RPL12: variants seen among roughly 807,000 people sequenced by gnomAD.
RPL12 encodes ribosomal protein L12.
A neutral mutation model predicts 24.5 loss-of-function variants in RPL12; 10 were observed. That is an observed-to-expected ratio of 0.41 (90% CI 0.25 to 0.69). The LOEUF (loss-of-function observed/expected upper bound fraction) is 0.69. RPL12 is among the 30% of genes least tolerant of loss of function. The pLI, the probability that RPL12 is intolerant of heterozygous loss-of-function variation, is 0.33. For synonymous variants in RPL12, 74 were observed against 76.1 expected (o/e 0.97, Z 0.14); for missense variants, 137 against 205.3 (o/e 0.67, Z 2.03).
chr9:127,449,256 C>T (rs774908638), intron 4 of RPL12, 25 bp downstream of exon 4: 3 of 1,602,448 alleles, frequency 1.9e-6, no homozygotes, highest in Admixed American at 1.7e-5. Context: ...ATTACCAAAA[C>T]CAAACTAGGG....
chr9:127,449,561 C>T (rs1310970688), intron 3 of RPL12, 49 bp downstream of exon 3: 40 of 1,514,204 alleles, frequency 2.6e-5, no homozygotes, highest in Non-Finnish European at 3.7e-5. Context: ...CAGAGGGTTG[C>T]TACCTGTCCC....
In RPL12 at chr9:127,449,349, G is replaced by A; in HGVS notation, c.224C>T (p.Pro75Leu). Residue 75 changes from proline (P) to leucine (L), a missense_variant, in exon 4 of 7, where the codon CCT becomes CTT. Around this residue, in one of 3 missense-constraint regions of RPL12, gnomAD observed 118 missense variants for 160.7 expected, o/e 0.73. Transcript: ENST00000361436. ...QNRQAQIEVV[P>L]SASALIIKAL... ...TTTGATGATCAGGGCAGAGGCAGAA[G>A]GCACCACCTCAATCTGCAGAAGAGA... 1 of 1,609,126 alleles carries A rather than the reference G, an allele frequency of 6.2e-7. No individual in the cohort carries two copies. Among genetic ancestry groups the A allele is most frequent in the Admixed American group, 1.7e-5 (1 of 59,998 alleles).
intron 1 of RPL12, 21 bp downstream of exon 1, chr9:127,451,260 G>A (rs1307095325): frequency 2.5e-6 from 4 of 1,611,956 alleles, no homozygotes; most frequent in South Asian, 1.1e-5. Flanking sequence ...CCGCAGCCCC[G>A]GCCACAACCA....
chr9:127,447,772 T>C (rs904019020), intron 6 of RPL12, 46 bp from the exon 7 acceptor site: 8 of 1,613,484 alleles, frequency 5.0e-6, no homozygotes, highest in Non-Finnish European at 6.8e-6. Flanking sequence ...AAAAGGATTA[T>C]CCCACCCCAC....
intron 4 of RPL12, 150 bp from the exon 5 acceptor site, chr9:127,448,573 A>G (rs747887823): frequency 5.2e-6 from 4 of 768,538 alleles, no homozygotes; most frequent in East Asian, 2.4e-5. Context: ...GGGGTTTACT[A>G]TCAGCTCACC....
At chr9:127,449,400 G>C (rs775021357) in intron 3 of RPL12, 38 bp from the exon 4 acceptor site, 8 of 1,564,056 alleles carry the variant, frequency 5.1e-6, no homozygotes, top group Non-Finnish European at 2.6e-6. Context: ...TCCACCTCCA[G>C]TGAATACTGC....
chr9:127,449,734 A>C, intron 2 of RPL12, 26 bp from the exon 3 acceptor site: 4 of 1,578,344 alleles, frequency 2.5e-6, no homozygotes, highest in Non-Finnish European at 3.5e-6. Context: ...TGTAATCAAC[A>C]TGGTGTCCAG....
Position 127,450,811 on chromosome 9 carries a change from GA to G in RPL12, c.38-8del. On this transcript the variant is annotated splice_polypyrimidine_tract_variant and splice_region_variant and intron_variant, in intron 1 of 6. Coordinates refer to ENST00000361436, the MANE Select transcript of RPL12 (RefSeq NM_000976.4). ...CCGGTGCACCTCAGGTATACTGGGG[GA>G]AAAGAAGAGTTAGTGTCTGTGCAGA... The G allele has an allele frequency of 1.3e-6, 2 of 1,557,156 alleles. No homozygotes were observed. The highest frequency in any genetic ancestry group is 2.0e-5 in the Admixed American group (1 of 50,080).
chr9:127,451,224 G>A (rs1291397923), intron 1 of RPL12, 57 bp downstream of exon 1: 6 of 1,594,026 alleles, frequency 3.8e-6, no homozygotes, highest in Non-Finnish European at 4.3e-6. Flanking sequence ...CTTTGCACGC[G>A]CGGCAGGGCC....
chr9:127,449,819 G>A (rs991070430), intron 2 of RPL12, 111 bp from the exon 3 acceptor site: 11 of 787,168 alleles, frequency 1.4e-5, no homozygotes, highest in Non-Finnish European at 2.4e-5. Flanking sequence ...AGTACCTAAG[G>A]GCACCTTCTC....
chr9:127,449,792 C>CAAAGGAAGCTAG, intron 2 of RPL12, 84 bp from the exon 3 acceptor site: 1 of 1,070,454 alleles, frequency 9.3e-7, no homozygotes, highest in African/African-American at 1.5e-5. Flanking sequence ...CACTTGGCAA[C>CAAAGGAAGCTAG]AAAGGAAGCT....
intron 3 of RPL12, 109 bp downstream of exon 3, chr9:127,449,501 G>A (rs1421665138): frequency 8.4e-6 from 11 of 1,302,488 alleles, no homozygotes; most frequent in Admixed American, 7.7e-5. Flanking sequence ...CCAACAAGGT[G>A]AAATCACTCT....
chr9:127,448,566 G>A (rs898822162), intron 4 of RPL12, 143 bp from the exon 5 acceptor site: 3 of 772,748 alleles, frequency 3.9e-6, no homozygotes, highest in Admixed American at 1.7e-5. Flanking sequence ...CTAAGCTGGG[G>A]TTTACTATCA....
At chr9:127,449,788 G>C (rs953562841) in intron 2 of RPL12, 80 bp from the exon 3 acceptor site, 1 of 1,114,764 alleles carries the variant, frequency 9.0e-7, no homozygotes, top group Admixed American at 1.8e-5. Context: ...TTCTCACTTG[G>C]CAACAAAGGA....
intron 4 of RPL12, 116 bp from the exon 5 acceptor site, chr9:127,448,539 A>T (rs1404943107): frequency 1.3e-6 from 1 of 795,084 alleles, no homozygotes; most frequent in South Asian, 1.3e-5. Flanking sequence ...CATCCACATG[A>T]AGAACAACCC....
At chr9:127,448,614 T>C (rs370429010) in intron 4 of RPL12, 191 bp from the exon 5 acceptor site, 24 of 756,660 alleles carry the variant, frequency 3.2e-5, no homozygotes, top group African/African-American at 8.5e-5. Context: ...AGAGACCTGG[T>C]CAGGTGCAGT....
intron 2 of RPL12, 127 bp from the exon 3 acceptor site, chr9:127,449,835 G>C (rs1435923835): frequency 2.5e-5 from 18 of 707,602 alleles, no homozygotes; most frequent in Non-Finnish European, 4.5e-5. Flanking sequence ...TTCTCAATCA[G>C]AGCACAGCTA....
At chr9:127,449,909 C>T in intron 2 of RPL12, 1 of 581,684 alleles carries the variant, frequency 1.7e-6, no homozygotes, top group Non-Finnish European at 3.1e-6. Context: ...GACTTGGCCA[C>T]AATGTAACCT....
In RPL12 at chr9:127,447,968, C is replaced by T. The variant is rs775561162; in HGVS notation, c.401G>A (p.Gly134Glu). 2.5e-6 allele frequency: 4 copies of T among 1,611,460 alleles called. No individual in the cohort carries two copies. The highest frequency in any genetic ancestry group is 1.7e-6 in the Non-Finnish European group (2 of 1,179,224). The change falls in exon 6 of 7, where the codon GGG becomes GAG. Residue 134 changes from glycine (G) to glutamate (E), a missense_variant. By Grantham distance (98) the Gly-to-Glu change is moderately conservative. Around this residue, in one of 3 missense-constraint regions of RPL12, gnomAD observed 118 missense variants for 160.7 expected, o/e 0.73. Coordinates refer to ENST00000361436, the MANE Select transcript of RPL12 (RefSeq NM_000976.4). Reference protein sequence around the residue: ...ELSGTIKEILGTAQSVGCNVD... With the variant: ...ELSGTIKEILETAQSVGCNVD... The stretch of plus-strand genomic sequence containing the variant: ...ATTACAGCCCACTGACTGGGCAGTC[C>T]CCAGGATCTCTTTAATGGTTCCTTT...
Sources: allele counts gnomAD v4.1 joint callset, GRCh38; gene constraint gnomAD v4.1.1; regional missense constraint gnomAD v4.1.1; transcripts MANE v1.5; gene names NCBI Gene and HGNC (gene_info 2026-07-23, HGNC 2026-07-21).